TRIM2: variants seen among roughly 807,000 people sequenced by gnomAD.
TRIM2 encodes the protein tripartite motif-containing protein 2.
A neutral mutation model predicts 75.2 loss-of-function variants in TRIM2; 20 were observed. The observed-to-expected ratio is 0.27, with a 90% CI of 0.19 to 0.39. The LOEUF is 0.39. Ranked by LOEUF, TRIM2 falls within the 10% of genes least tolerant of loss-of-function variation. The pLI is 1.00. For missense variants in TRIM2, 660 were observed against 990.8 expected (o/e 0.67, Z 4.48); for synonymous variants, 373 against 388.3 (o/e 0.96, Z 0.46).
chr4:153,315,073 C>T (rs1579639031), intron 6 of TRIM2, among the ~76,000 whole-genome samples: 1 of 152,174 alleles, frequency 6.6e-6, no homozygotes. Context: ...GGCAGAGTGA[C>T]CAGGGCTGAG....
chr4:153,318,381 G>A (rs533945577), intron 8 of TRIM2, among the ~76,000 whole-genome samples: 13 of 152,236 alleles, frequency 8.5e-5, no homozygotes, highest in African/African-American at 2.9e-4. Flanking sequence ...GTCAATTTTG[G>A]AGACTGAAAA....
intron 1 of TRIM2, among the ~76,000 whole-genome samples, chr4:153,251,876 G>A (rs968040240): frequency 2.0e-5 from 3 of 152,126 alleles, no homozygotes; most frequent in Admixed American, 6.5e-5. Context: ...AGCTACTGGG[G>A]AGACTAAGGT....
At chr4:153,184,311 A>G (rs917453306) in intron 1 of TRIM2, among the ~76,000 whole-genome samples, 1 of 152,134 alleles carries the variant, frequency 6.6e-6, no homozygotes, top group African/African-American at 2.4e-5. Context: ...TCTTCTGACT[A>G]TGTGCTTACA....
intron 1 of TRIM2, among the ~76,000 whole-genome samples, chr4:153,224,802 AT>A (rs1281221012): frequency 2.0e-5 from 3 of 152,346 alleles, no homozygotes; most frequent in Non-Finnish European, 4.4e-5. Context: ...TCTACTTCAA[AT>A]TTAAATACAA....
chr4:153,214,733 C>T (rs560993050), intron 1 of TRIM2, among the ~76,000 whole-genome samples: 3 of 152,220 alleles, frequency 2.0e-5, no homozygotes, highest in African/African-American at 7.2e-5. Context: ...TTAGCTAGAT[C>T]GTCATAAATA....
rs1357787143 is a variant in TRIM2, at chr4:153,339,281, A to C, written c.*4315A>C. On this transcript the variant is annotated 3_prime_UTR_variant, in exon 12 of 12. Transcript: ENST00000338700. ...CATGTGTATCTCTTTACCATGCACA[A>C]AATCTCAAATCATTATAATAAAGCT... 2 of 714,512 alleles carry C rather than the reference A, an allele frequency of 2.8e-6. No individual in the cohort carries two copies. The highest frequency in any genetic ancestry group is 1.3e-4 in the Admixed American group (2 of 15,932). 44.3% of individuals were successfully genotyped at this position (714,512 alleles called of 1,614,324 possible). A position where few individuals can be genotyped will look rare whatever the true frequency, so the allele number is the denominator to read the frequency against.
upstream of TRIM2, among the ~76,000 whole-genome samples, chr4:153,203,891 C>CAATAAATAAATA (rs56292904): frequency 8.0e-3 from 1,211 of 151,200 alleles, 14 homozygotes; most frequent in African/African-American, 0.024. Flanking sequence ...GACTCCATCT[C>CAATAAATAAATA]AATAAATAAA....
At chr4:153,277,698 G>A (rs1398855161) in intron 3 of TRIM2, among the ~76,000 whole-genome samples, 1 of 152,140 alleles carries the variant, frequency 6.6e-6, no homozygotes, top group Non-Finnish European at 1.5e-5. Flanking sequence ...AGCTAGCCCT[G>A]GAAGAAATAG....
chr4:153,227,388 G>A (rs1275958401), intron 1 of TRIM2, among the ~76,000 whole-genome samples: 3 of 152,182 alleles, frequency 2.0e-5, no homozygotes, highest in Non-Finnish European at 4.4e-5. Flanking sequence ...GTGAATAGTA[G>A]ATAGGCTTGA....
At chr4:153,238,902 G>A (rs920870517) in intron 1 of TRIM2, among the ~76,000 whole-genome samples, 1 of 152,172 alleles carries the variant, frequency 6.6e-6, no homozygotes, top group Non-Finnish European at 1.5e-5. Flanking sequence ...TGGACTGAAT[G>A]TTCATGAATC....
At chr4:153,204,373 A>C (rs1206708398), upstream of TRIM2, 1 of 741,224 alleles carries the variant, frequency 1.3e-6, no homozygotes, top group African/African-American at 1.8e-5. Flanking sequence ...GTCCCCTGAT[A>C]CTGTAGCCCC....
At chr4:153,281,355 G>A (rs181815700) in intron 3 of TRIM2, among the ~76,000 whole-genome samples, 149 of 152,354 alleles carry the variant, frequency 9.8e-4, no homozygotes, top group African/African-American at 3.4e-3. Context: ...AGCTAGAGCG[G>A]AAGATAAAGC....
At chr4:153,215,767 A>G (rs2149728754) in intron 1 of TRIM2, among the ~76,000 whole-genome samples, 1 of 152,324 alleles carries the variant, frequency 6.6e-6, no homozygotes, top group East Asian at 1.9e-4. Context: ...CAGGCATTGA[A>G]ATCTATGATT....
chr4:153,280,056 A>T (rs1758911804), intron 3 of TRIM2, among the ~76,000 whole-genome samples: 1 of 151,780 alleles, frequency 6.6e-6, no homozygotes, highest in Non-Finnish European at 1.5e-5. Flanking sequence ...CTTGGGTGAT[A>T]AAGCGAGACC....
upstream of TRIM2, chr4:153,152,408 G>GTGTATATA (rs1491322539): frequency 2.0e-5 from 1 of 50,560 alleles, no homozygotes; most frequent in East Asian, 6.5e-4. Context: ...ATATATGTGT[G>GTGTATATA]TATATATATA....
chr4:153,191,496 G>A lies in TRIM2; in HGVS notation c.-49+38226G>A, dbSNP rs78674811. ...ATGAGGAACACAGGTTACTTTAAAC[G>A]TAAAATATTTAAGTGAGAAATGCAT... On this transcript the variant is annotated intron_variant, in intron 1 of 11. Coordinates refer to the TRIM2 transcript ENST00000437508. 7.7e-3 allele frequency among the ~76,000 whole-genome samples: 1,177 copies of A among 152,318 alleles called. 15 individuals are homozygous for A. The highest frequency in any genetic ancestry group is 0.027 in the African/African-American group (1,108 of 41,558).
intron 6 of TRIM2, among the ~76,000 whole-genome samples, chr4:153,303,443 A>C (rs1442395274): frequency 1.3e-5 from 2 of 151,540 alleles, no homozygotes; most frequent in African/African-American, 4.9e-5. Flanking sequence ...ACTGTACTCC[A>C]GCCTGGGTGA....
chr4:153,161,022 G>C (rs1012746766), intron 1 of TRIM2, among the ~76,000 whole-genome samples: 1 of 152,210 alleles, frequency 6.6e-6, no homozygotes, highest in Admixed American at 6.5e-5. Context: ...CCCTGGGAGG[G>C]AGAGGAAGAC....
chr4:153,327,344 G>T (rs1332839806), intron 10 of TRIM2, among the ~76,000 whole-genome samples: 1 of 152,190 alleles, frequency 6.6e-6, no homozygotes, highest in Non-Finnish European at 1.5e-5. Flanking sequence ...TTACCTAAAA[G>T]TAATGGTCAT....
Sources: gnomAD v4.1 joint callset for allele counts (sites outside exome capture counted in the v4.1 genomes callset) on GRCh38, gnomAD v4.1.1 for gene constraint, MANE v1.5 for transcripts, NCBI Gene and HGNC (gene_info 2026-07-23, HGNC 2026-07-21) for gene names.